PCDH9: variants seen among roughly 807,000 people sequenced by gnomAD.
PCDH9 encodes the protein protocadherin-9.
In PCDH9, 24 loss-of-function variants were observed where a neutral mutation model predicts 70.6. The ratio of observed to expected loss-of-function variants is 0.34; its 90% CI spans 0.25 to 0.48. The LOEUF is 0.48. PCDH9 is among the 20% of genes least tolerant of loss of function. The probability of loss-of-function intolerance (pLI) is 0.99; values close to 1 mark genes in which losing one functional copy is unlikely to be tolerated. For missense variants in PCDH9, 1,281 were observed against 1,503.6 expected, an observed-to-expected ratio of 0.85 and a Z score of 2.45; for synonymous variants, 562 against 558.5, an observed-to-expected ratio of 1.01 and a Z score of -0.09.
chr13:66,832,413 T>A (rs1417518816), intron 3 of PCDH9, among the ~76,000 whole-genome samples: 1 of 152,102 alleles, frequency 6.6e-6, no homozygotes, highest in Non-Finnish European at 1.5e-5. Flanking sequence ...TTATCTTGAA[T>A]AATGATAAAT....
At chr13:67,069,404 A>G (rs1026342524) in intron 2 of PCDH9, among the ~76,000 whole-genome samples, 1 of 152,214 alleles carries the variant, frequency 6.6e-6, no homozygotes, top group Admixed American at 6.5e-5. Context: ...AAAGAAAATA[A>G]GTTTGAAATT....
chr13:66,884,551 A>G (rs1208763286), intron 3 of PCDH9, among the ~76,000 whole-genome samples: 1 of 152,162 alleles, frequency 6.6e-6, no homozygotes, highest in Non-Finnish European at 1.5e-5. Context: ...AGAAGGTAAA[A>G]GGAAAAATAG....
chr13:66,548,392 C>G (rs1961314466), intron 4 of PCDH9, among the ~76,000 whole-genome samples: 1 of 151,832 alleles, frequency 6.6e-6, no homozygotes, highest in South Asian at 2.1e-4. Context: ...TGGTGACACC[C>G]TGTGTCCACT....
chr13:66,572,111 A>G (rs1376667917), intron 4 of PCDH9, among the ~76,000 whole-genome samples: 1 of 152,124 alleles, frequency 6.6e-6, no homozygotes, highest in East Asian at 1.9e-4. Context: ...ACAATTGTAC[A>G]TATTTGTAGG....
At chr13:66,458,274 C>T (rs1023100042) in intron 4 of PCDH9, among the ~76,000 whole-genome samples, 1 of 151,832 alleles carries the variant, frequency 6.6e-6, no homozygotes, top group Admixed American at 6.6e-5. Flanking sequence ...TAATTTTATT[C>T]TTATTTACTT....
chr13:67,051,462 G>A (rs1056084065), intron 2 of PCDH9, among the ~76,000 whole-genome samples: 4 of 136,528 alleles, frequency 2.9e-5, no homozygotes, highest in Non-Finnish European at 6.1e-5. Context: ...GTGTGATCTC[G>A]GCTCACTGCA....
intron 4 of PCDH9, among the ~76,000 whole-genome samples, chr13:66,498,246 G>A (rs1050590949): frequency 6.6e-5 from 10 of 150,472 alleles, no homozygotes; most frequent in South Asian, 2.1e-4. Flanking sequence ...CCAGGTTCAC[G>A]CCATTCTCCT....
chr13:66,721,457 T>C (rs759789002), intron 3 of PCDH9, among the ~76,000 whole-genome samples: 1 of 152,206 alleles, frequency 6.6e-6, no homozygotes, highest in Non-Finnish European at 1.5e-5. Flanking sequence ...TATTAACATT[T>C]ACAGAACGTG....
chr13:66,782,393 T>C (rs1433106708), intron 3 of PCDH9, among the ~76,000 whole-genome samples: 1 of 152,026 alleles, frequency 6.6e-6, no homozygotes, highest in African/African-American at 2.4e-5. Context: ...TTTTTTTCAA[T>C]GGGGTATCAA....
At chr13:66,475,125 A>G (rs928292927) in intron 4 of PCDH9, among the ~76,000 whole-genome samples, 9 of 152,104 alleles carry the variant, frequency 5.9e-5, no homozygotes, top group Non-Finnish European at 1.2e-4. Context: ...GAATATAACA[A>G]CATGCTTTTC....
rs1179395041 is a variant in PCDH9, at chr13:66,713,631, A to G, written c.3139-82220T>C. Reference sequence around the variant, plus strand: ...ATATAAAGTGTGTGTGTGTGTATATATATATATATATATATATATATAATG... The same window carrying G: ...ATATAAAGTGTGTGTGTGTGTATATGTATATATATATATATATATATAATG... On this transcript the variant is annotated intron_variant, in intron 3 of 4. Transcript: ENST00000377865. Among the ~76,000 whole-genome samples, 207 of 128,292 alleles carry G rather than the reference A, an allele frequency of 1.6e-3. 2 individuals are homozygous for G. Among genetic ancestry groups the G allele is most frequent in the South Asian group, 2.2e-3 (9 of 4,186 alleles). 84.2% of individuals were successfully genotyped at this position (128,292 alleles called of 152,430 possible). A position where few individuals can be genotyped will look rare whatever the true frequency, so the allele number is the denominator to read the frequency against.
intron 2 of PCDH9, among the ~76,000 whole-genome samples, chr13:66,986,009 T>C (rs6562479): frequency 0.99 from 150,845 of 152,080 alleles, 74,822 homozygotes; most frequent in East Asian, 1. Context: ...TCTGTTCTCA[T>C]GCTACTATAA....
At chr13:66,553,484 T>G (rs562272930) in intron 4 of PCDH9, among the ~76,000 whole-genome samples, 1 of 152,212 alleles carries the variant, frequency 6.6e-6, no homozygotes, top group Non-Finnish European at 1.5e-5. Context: ...GAAAAGTGGC[T>G]TTATTAACTA....
chr13:66,516,755 T>C (rs1183505998), intron 4 of PCDH9, among the ~76,000 whole-genome samples: 1 of 152,056 alleles, frequency 6.6e-6, no homozygotes, highest in Non-Finnish European at 1.5e-5. Flanking sequence ...TTTCTCTCTG[T>C]GTCTATGTGT....
chr13:66,837,297 T>C (rs748716300), intron 3 of PCDH9, among the ~76,000 whole-genome samples: 3 of 152,212 alleles, frequency 2.0e-5, no homozygotes, highest in Non-Finnish European at 2.9e-5. Flanking sequence ...CAGGTCCTTT[T>C]CTGAATGTTC....
intron 2 of PCDH9, among the ~76,000 whole-genome samples, chr13:66,944,846 T>TGTGTGG (rs1159840451): frequency 6.6e-6 from 1 of 151,418 alleles, no homozygotes; most frequent in African/African-American, 2.4e-5. Flanking sequence ...TGTGTGTGTG[T>TGTGTGG]GTGTGTGTGT....
At chr13:67,191,391 T>C (rs150947741) in intron 2 of PCDH9, among the ~76,000 whole-genome samples, 1 of 152,264 alleles carries the variant, frequency 6.6e-6, no homozygotes, top group East Asian at 1.9e-4. Flanking sequence ...AAATACTTGA[T>C]AAAAATTTGA....
At chr13:66,735,959 G>C (rs967651307) in intron 3 of PCDH9, among the ~76,000 whole-genome samples, 4 of 150,134 alleles carry the variant, frequency 2.7e-5, no homozygotes, top group African/African-American at 9.8e-5. Flanking sequence ...GTGAGATTCT[G>C]TCTCAAAAAA....
At chr13:66,697,287 CA>C (rs1491502715) in intron 3 of PCDH9, among the ~76,000 whole-genome samples, 1 of 151,778 alleles carries the variant, frequency 6.6e-6, no homozygotes, top group Admixed American at 6.6e-5. Flanking sequence ...TCTCCCCCCC[CA>C]AAAAATATTG....
Sources: gnomAD v4.1 joint callset for allele counts (sites outside exome capture counted in the v4.1 genomes callset) on GRCh38, gnomAD v4.1.1 for gene constraint, MANE v1.5 for transcripts, NCBI Gene and HGNC (gene_info 2026-07-23, HGNC 2026-07-21) for gene names.